Variants in PBX3 observed in about 807,000 individuals in gnomAD.
The protein encoded by PBX3 is PBX homeobox 3.
In PBX3, 14 loss-of-function variants were observed where a neutral mutation model predicts 48.5. The ratio of observed to expected loss-of-function variants is 0.29; its 90% CI spans 0.19 to 0.45. The LOEUF is 0.45. Ranked by LOEUF, PBX3 falls within the 20% of genes least tolerant of loss-of-function variation. The pLI is 1.00. For synonymous variants in PBX3, 210 were observed against 200.3 expected, an observed-to-expected ratio of 1.05 and a Z score of -0.41; for missense variants, 386 against 546.7, an observed-to-expected ratio of 0.71 and a Z score of 2.93.
At chr9:125,794,893 A>G (rs529771857) in intron 2 of PBX3, among the ~76,000 whole-genome samples, 2 of 152,274 alleles carry the variant, frequency 1.3e-5, no homozygotes, top group Admixed American at 1.3e-4. Flanking sequence ...CAACCCTTCC[A>G]TTAGCCTGTT....
At chr9:125,961,819 T>A (rs1305167152) in intron 6 of PBX3, among the ~76,000 whole-genome samples, 2 of 152,144 alleles carry the variant, frequency 1.3e-5, no homozygotes, top group Non-Finnish European at 2.9e-5. Flanking sequence ...CTGCTGGGTG[T>A]TTTGGTTTAT....
At chr9:125,768,204 A>G (rs922542438) in intron 2 of PBX3, among the ~76,000 whole-genome samples, 5 of 152,112 alleles carry the variant, frequency 3.3e-5, no homozygotes, top group Admixed American at 2.6e-4. Flanking sequence ...AATTTCTGCT[A>G]TGTGATAGAA....
At position 125,916,448 on chromosome 9, in the gene PBX3, A is replaced by G. The variant is rs995822570; in HGVS notation, c.516+521A>G. Among the ~76,000 whole-genome samples, 3 of 152,274 alleles carry G rather than the reference A, an allele frequency of 2.0e-5. No homozygotes were observed. The East Asian group carries it at 5.8e-4, about 29-fold the overall frequency. ...TTCTCTGAGTATGAGACCTCCCAAG[A>G]TAATTATGGGTACCCCAGGACAGGG... On this transcript the variant is annotated intron_variant, in intron 3 of 8. Transcript: ENST00000373489.
At chr9:125,929,293 T>G (rs1841661148) in intron 3 of PBX3, among the ~76,000 whole-genome samples, 1 of 152,250 alleles carries the variant, frequency 6.6e-6, no homozygotes, top group South Asian at 2.1e-4. Flanking sequence ...GTTGATTAAA[T>G]GTAAAACTCC....
intron 2 of PBX3, among the ~76,000 whole-genome samples, chr9:125,905,977 G>A (rs1410515153): frequency 6.6e-6 from 1 of 151,898 alleles, no homozygotes; most frequent in African/African-American, 2.4e-5. Context: ...ACCATGAGAA[G>A]CACTAATATC....
intron 2 of PBX3, among the ~76,000 whole-genome samples, chr9:125,769,384 C>T (rs759463846): frequency 2.0e-5 from 3 of 152,140 alleles, no homozygotes; most frequent in Non-Finnish European, 4.4e-5. Context: ...CACCAGGGGT[C>T]CACGGACACC....
intron 2 of PBX3, among the ~76,000 whole-genome samples, chr9:125,756,931 T>G (rs567197440): frequency 1.3e-5 from 2 of 152,236 alleles, no homozygotes; most frequent in Non-Finnish European, 2.9e-5. Context: ...TAGTCTCTGA[T>G]TACTTGCAAA....
chr9:125,897,141 G>GGT (rs1554725493), intron 2 of PBX3, among the ~76,000 whole-genome samples: 76 of 108,918 alleles, frequency 7.0e-4, no homozygotes, highest in African/African-American at 2.6e-3. Context: ...TTCATTTGTG[G>GGT]TTTTTTTTTT....
chr9:125,896,226 G>A (rs1840764564), intron 2 of PBX3, among the ~76,000 whole-genome samples: 2 of 151,974 alleles, frequency 1.3e-5, no homozygotes, highest in South Asian at 4.1e-4. Flanking sequence ...GGTAAGCAGA[G>A]AGATTCCTCT....
intron 2 of PBX3, among the ~76,000 whole-genome samples, chr9:125,895,773 T>A (rs992096460): frequency 6.6e-6 from 1 of 152,064 alleles, no homozygotes; most frequent in East Asian, 1.9e-4. Context: ...CAAATAATAT[T>A]TTCATGCATA....
intron 2 of PBX3, among the ~76,000 whole-genome samples, chr9:125,871,200 C>T (rs144350824): frequency 0.017 from 2,589 of 152,094 alleles, 82 homozygotes; most frequent in African/African-American, 0.058. Flanking sequence ...AGTTTGAGAC[C>T]AGCCTGGCCA....
chr9:125,952,404 T>C (rs1356391913), intron 5 of PBX3, among the ~76,000 whole-genome samples: 4 of 152,240 alleles, frequency 2.6e-5, no homozygotes, highest in African/African-American at 7.2e-5. Context: ...TTTTCTCTTT[T>C]ATTTAATGTT....
intron 5 of PBX3, among the ~76,000 whole-genome samples, chr9:125,955,335 C>T (rs1842282432): frequency 6.6e-6 from 1 of 152,188 alleles, no homozygotes; most frequent in African/African-American, 2.4e-5. Context: ...TCCTGCTCCT[C>T]CCCAGGTACC....
chr9:125,880,506 G>A (rs998944834), intron 2 of PBX3, among the ~76,000 whole-genome samples: 9 of 152,172 alleles, frequency 5.9e-5, no homozygotes, highest in Non-Finnish European at 1.0e-4. Flanking sequence ...ATCACCTGGT[G>A]CTGCAAATAG....
chr9:125,888,035 C>A (rs1564157245), intron 2 of PBX3, among the ~76,000 whole-genome samples: 1 of 152,048 alleles, frequency 6.6e-6, no homozygotes, highest in African/African-American at 2.4e-5. Flanking sequence ...TGTTGACTTA[C>A]ATGATAAGTG....
intron 2 of PBX3, among the ~76,000 whole-genome samples, chr9:125,779,795 G>A (rs1263043878): frequency 6.8e-6 from 1 of 146,112 alleles, no homozygotes; most frequent in Non-Finnish European, 1.5e-5. Context: ...AGACGAGGTG[G>A]TGGCTGGGCA....
At chr9:125,931,801 A>G (rs17267617) in intron 4 of PBX3, among the ~76,000 whole-genome samples, 16,287 of 152,238 alleles carry the variant, frequency 0.11, 1,120 homozygotes, top group South Asian at 0.17. Flanking sequence ...GATAAGTGGT[A>G]TGCAGAAAAA....
intron 2 of PBX3, among the ~76,000 whole-genome samples, chr9:125,753,418 A>G (rs1836428057): frequency 6.6e-6 from 1 of 152,058 alleles, no homozygotes; most frequent in Admixed American, 6.5e-5. Context: ...AATAGCACAT[A>G]TAATACATTT....
chr9:125,937,345 C>A (rs1490738312), intron 5 of PBX3, among the ~76,000 whole-genome samples: 2 of 151,842 alleles, frequency 1.3e-5, no homozygotes, highest in African/African-American at 4.8e-5. Context: ...AACCCACTTA[C>A]CAGTGTGTTT....
Sources: gnomAD v4.1 joint callset for allele counts (sites outside exome capture counted in the v4.1 genomes callset) on GRCh38, gnomAD v4.1.1 for gene constraint, MANE v1.5 for transcripts, NCBI Gene and HGNC (gene_info 2026-07-23, HGNC 2026-07-21) for gene names.